The following MDGA2 variants were observed in gnomAD, a reference collection of about 807,000 sequenced individuals.
MDGA2 encodes the protein MAM domain containing glycosylphosphatidylinositol anchor 2, also known as MAM domain-containing glycosylphosphatidylinositol anchor protein 2.
A neutral mutation model predicts 117.8 loss-of-function variants in MDGA2; 40 were observed. That is an observed-to-expected ratio of 0.34 (90% confidence interval 0.26 to 0.44). The LOEUF (loss-of-function observed/expected upper bound fraction) is 0.44. MDGA2 is among the 20% of genes least tolerant of loss of function. The probability of loss-of-function intolerance (pLI) is 1.00; values close to 1 mark genes in which losing one functional copy is unlikely to be tolerated. For missense variants in MDGA2, 1,123 were observed against 1,250.6 expected, an observed-to-expected ratio of 0.90 and a Z score of 1.54; for synonymous variants, 452 against 439.0, an observed-to-expected ratio of 1.03 and a Z score of -0.37.
intron 16 of MDGA2, among the ~76,000 whole-genome samples, chr14:46,843,048 T>C (rs139699665): frequency 2.4e-4 from 36 of 152,220 alleles, no homozygotes; most frequent in Admixed American, 2.4e-3. Flanking sequence ...TTTCCCCTAA[T>C]TTATAGAGTT....
At chr14:47,155,015 C>T (rs1883311204) in intron 3 of MDGA2, among the ~76,000 whole-genome samples, 1 of 152,140 alleles carries the variant, frequency 6.6e-6, no homozygotes, top group Non-Finnish European at 1.5e-5. Context: ...CAGACTCAGC[C>T]AGACTGGGAC....
chr14:47,015,778 C>T (rs1032417058), intron 8 of MDGA2, among the ~76,000 whole-genome samples: 2 of 151,958 alleles, frequency 1.3e-5, no homozygotes, highest in Non-Finnish European at 2.9e-5. Flanking sequence ...GTAACATATG[C>T]TTCCAAATAA....
intron 5 of MDGA2, among the ~76,000 whole-genome samples, chr14:47,110,342 G>A (rs1201934535): frequency 6.6e-6 from 1 of 152,118 alleles, no homozygotes; most frequent in Non-Finnish European, 1.5e-5. Flanking sequence ...CTTTAATGGG[G>A]ATTTAGCAAA....
chr14:46,928,617 C>T (rs1010745562), intron 9 of MDGA2, among the ~76,000 whole-genome samples: 8 of 152,086 alleles, frequency 5.3e-5, no homozygotes, highest in African/African-American at 1.9e-4. Context: ...CTCAGCATGC[C>T]AATAACTGAA....
At chr14:47,649,685 AAAAACAAAAC>A (rs56177749) in intron 1 of MDGA2, among the ~76,000 whole-genome samples, 2 of 150,386 alleles carry the variant, frequency 1.3e-5, no homozygotes, top group African/African-American at 4.9e-5. Context: ...GCTTCATCTC[AAAAACAAAAC>A]AAAACAAAAC....
chr14:47,306,573 T>C (rs17739979), intron 1 of MDGA2, among the ~76,000 whole-genome samples: 13,568 of 152,238 alleles, frequency 0.089, 737 homozygotes, highest in Non-Finnish European at 0.11. Context: ...TAGTTAAATC[T>C]CTCAAATCCC....
intron 1 of MDGA2, among the ~76,000 whole-genome samples, chr14:47,369,305 A>G (rs1474047350): frequency 6.6e-6 from 1 of 152,142 alleles, no homozygotes; most frequent in African/African-American, 2.4e-5. Flanking sequence ...AATTTTTAGA[A>G]CTTTAGGAAC....
chr14:47,156,511 A>G (rs982049351), intron 3 of MDGA2, among the ~76,000 whole-genome samples: 6 of 152,202 alleles, frequency 3.9e-5, no homozygotes, highest in African/African-American at 1.4e-4. Flanking sequence ...ATTAATCCAT[A>G]GGCTTATGAT....
rs1555343310 is a variant in MDGA2, at chr14:47,013,772, G to GTGTA, written c.1819+21238_1819+21239insTACA. The stretch of plus-strand genomic sequence containing the variant: ...TAGGTATGAAAACATTAATTTCCTT[G>GTGTA]TATATATATATATATATATATCTCC... On this transcript the variant is annotated intron_variant, in intron 8 of 16. Coordinates refer to ENST00000399232, the MANE Select transcript of MDGA2 (RefSeq NM_001113498.3). Among the ~76,000 whole-genome samples the GTGTA allele has an allele frequency of 1.5e-3, 141 of 93,704 alleles. 8 individuals are homozygous for GTGTA. Among genetic ancestry groups the GTGTA allele is most frequent in the Middle Eastern group, 6.2e-3 (1 of 162 alleles). The allele number at this position is 93,704 out of a possible 152,430, so 61.5% of individuals were successfully genotyped here.
At chr14:47,121,313 A>G (rs1881638871) in intron 5 of MDGA2, among the ~76,000 whole-genome samples, 1 of 152,250 alleles carries the variant, frequency 6.6e-6, no homozygotes, top group South Asian at 2.1e-4. Flanking sequence ...AATATAGAAT[A>G]TTCCAAAAAG....
At chr14:47,569,034 T>C (rs1023367129) in intron 1 of MDGA2, among the ~76,000 whole-genome samples, 4 of 152,072 alleles carry the variant, frequency 2.6e-5, no homozygotes, top group African/African-American at 9.7e-5. Context: ...ATTTTTGATA[T>C]AAAATCGGCT....
intron 1 of MDGA2, among the ~76,000 whole-genome samples, chr14:47,672,534 T>A (rs950148104): frequency 6.6e-6 from 1 of 152,190 alleles, no homozygotes; most frequent in Non-Finnish European, 1.5e-5. Flanking sequence ...GTCCTTCTGA[T>A]CCAGATAGTT....
At chr14:47,081,055 C>G (rs990835721) in intron 6 of MDGA2, among the ~76,000 whole-genome samples, 60 of 152,200 alleles carry the variant, frequency 3.9e-4, no homozygotes, top group African/African-American at 1.4e-3. Context: ...ATACCAGCAG[C>G]ATTATTTTCA....
At chr14:47,464,866 T>C (rs1373074732) in intron 1 of MDGA2, among the ~76,000 whole-genome samples, 1 of 151,802 alleles carries the variant, frequency 6.6e-6, no homozygotes, top group Non-Finnish European at 1.5e-5. Flanking sequence ...AAAGCAATCC[T>C]AAGCAAACAA....
At chr14:46,975,930 T>C (rs1886442501) in intron 8 of MDGA2, among the ~76,000 whole-genome samples, 1 of 152,074 alleles carries the variant, frequency 6.6e-6, no homozygotes, top group African/African-American at 2.4e-5. Flanking sequence ...AATCCGATTC[T>C]TTACAGCTCT....
chr14:47,190,830 C>T (rs1271510444), intron 3 of MDGA2, among the ~76,000 whole-genome samples: 1 of 152,080 alleles, frequency 6.6e-6, no homozygotes, highest in Admixed American at 6.6e-5. Flanking sequence ...CTATAACTGG[C>T]TGGGGTAACA....
chr14:47,389,760 G>A (rs1365521707), intron 1 of MDGA2, among the ~76,000 whole-genome samples: 1 of 152,068 alleles, frequency 6.6e-6, no homozygotes, highest in African/African-American at 2.4e-5. Flanking sequence ...ATTTCCCAGA[G>A]AGCTGTGAAT....
rs368886098 is a variant in MDGA2, at chr14:47,171,362, A to C, written c.596-27088T>G. On this transcript the variant is annotated intron_variant, in intron 3 of 16. Coordinates refer to ENST00000399232, the MANE Select transcript of MDGA2 (RefSeq NM_001113498.3). The stretch of plus-strand genomic sequence containing the variant: ...ACTGAATATGCCATAAAAACAAGTA[A>C]AAATAATACAAAATATCAAACAATT... Among the ~76,000 whole-genome samples the C allele has an allele frequency of 1.7e-4, 26 of 152,326 alleles. No individual in the cohort carries two copies. The South Asian group carries it at 5.0e-3, about 29-fold the overall frequency.
chr14:47,583,048 T>C (rs1010141239), intron 1 of MDGA2, among the ~76,000 whole-genome samples: 2 of 151,904 alleles, frequency 1.3e-5, no homozygotes, highest in African/African-American at 4.8e-5. Flanking sequence ...ATGATTTTGA[T>C]TCATAACTCA....
Sources: gnomAD v4.1 joint callset for allele counts (sites outside exome capture counted in the v4.1 genomes callset) on GRCh38, gnomAD v4.1.1 for gene constraint, MANE v1.5 for transcripts, NCBI Gene and HGNC (gene_info 2026-07-23, HGNC 2026-07-21) for gene names.